Variants in PIAS2 observed in about 807,000 individuals in gnomAD.
The protein encoded by PIAS2 is protein inhibitor of activated STAT 2.
PIAS2 carries 19 observed loss-of-function variants against 69.7 expected under a neutral mutation model. The observed-to-expected ratio is 0.27, with a 90% CI of 0.19 to 0.40. The LOEUF is 0.40. Among genes scored for constraint, PIAS2 ranks in the 10% least tolerant of loss-of-function variants. The pLI, the probability that PIAS2 is intolerant of heterozygous loss-of-function variation, is 1.00. For synonymous variants in PIAS2, 261 were observed against 263.2 expected, an observed-to-expected ratio of 0.99 and a Z score of 0.08; for missense variants, 624 against 757.0, an observed-to-expected ratio of 0.82 and a Z score of 2.06.
At chr18:46,839,966 G>A (rs768751894) in intron 8 of PIAS2, among the ~76,000 whole-genome samples, 8 of 151,696 alleles carry the variant, frequency 5.3e-5, no homozygotes, top group Non-Finnish European at 1.2e-4. Flanking sequence ...CTCGAGACCA[G>A]CCTGACCAAC....
intron 13 of PIAS2, 42 bp from the exon 14 acceptor site, chr18:46,812,654 T>C (rs2041087844): frequency 1.6e-6 from 2 of 1,256,656 alleles, no homozygotes; most frequent in Admixed American, 1.9e-5. Context: ...AAGAGGCTAC[T>C]TGATTTTAAA....
chr18:46,891,157 T>C (rs1383687377), intron 1 of PIAS2, 103 bp from the exon 2 acceptor site: 10 of 805,114 alleles, frequency 1.2e-5, no homozygotes, highest in Non-Finnish European at 2.0e-5. Context: ...ATTCTATCAA[T>C]TGGCATGTGC....
At chr18:46,816,603 G>A in intron 12 of PIAS2, 1 of 265,848 alleles carries the variant, frequency 3.8e-6, no homozygotes, top group Non-Finnish European at 5.8e-6. Flanking sequence ...GGAGCTACAG[G>A]TGTGTGTCAC....
At position 46,804,842 on chromosome 18, in the gene PIAS2, T is replaced by C. The variant is rs2040614566; in HGVS notation, c.*7591A>G. 6.6e-6 allele frequency: 1 copy of C among 152,206 alleles called. No individual in the cohort carries two copies. The allele number at this position is 152,206 out of a possible 1,614,324, so 9.4% of individuals were successfully genotyped here. A position where few individuals can be genotyped will look rare whatever the true frequency, so the allele number is the denominator to read the frequency against. On this transcript the variant is annotated 3_prime_UTR_variant, in exon 14 of 14. Transcript: ENST00000585916. ...AGTGCCTGATACAATGCCTGGCACCTAATATAATCTCAAATACTGGATGAC... is the reference window on the plus strand; with the variant it reads ...AGTGCCTGATACAATGCCTGGCACCCAATATAATCTCAAATACTGGATGAC...
intron 8 of PIAS2, among the ~76,000 whole-genome samples, chr18:46,842,887 T>G (rs1599630050): frequency 6.6e-6 from 1 of 152,070 alleles, no homozygotes; most frequent in African/African-American, 2.4e-5. Context: ...AATCCTCATA[T>G]CAAAAAATTA....
Position 46,820,532 on chromosome 18 carries a change from C to T in PIAS2, c.1648+401G>A, listed in dbSNP as rs79653985. Among the ~76,000 whole-genome samples the T allele has an allele frequency of 6.1e-3, 929 of 152,208 alleles. 6 individuals are homozygous for T. Among genetic ancestry groups the T allele is most frequent in the Non-Finnish European group, 9.9e-3 (674 of 67,992 alleles). On this transcript the variant is annotated intron_variant, in intron 12 of 13. Transcript: ENST00000585916. Reference sequence around the variant, plus strand: ...ATCTTTGTAAGGAGAATAAAATCCACAGCTTGTAGGAAAAATCAGCCCCAA... The same window carrying T: ...ATCTTTGTAAGGAGAATAAAATCCATAGCTTGTAGGAAAAATCAGCCCCAA...
At chr18:46,815,555 A>G (rs2041424009) in intron 12 of PIAS2, 1 of 985,250 alleles carries the variant, frequency 1.0e-6, no homozygotes, top group Admixed American at 6.2e-5. Flanking sequence ...AACTGGAAAA[A>G]CTAGCTCCCA....
Position 46,849,056 on chromosome 18 carries a change from T to C in PIAS2, c.727-2215A>G, listed in dbSNP as rs531095289. The stretch of plus-strand genomic sequence containing the variant: ...GTAGGTTAACCAAATAAAAATAATG[T>C]TACAGGGTCTGTCAGAAGGATAGAA... On this transcript the variant is annotated intron_variant, in intron 5 of 13. Coordinates refer to ENST00000585916, the MANE Select transcript of PIAS2 (RefSeq NM_004671.5). Among the ~76,000 whole-genome samples, 265 of 152,256 alleles carry C rather than the reference T, an allele frequency of 1.7e-3. 1 individual carries two copies. Among genetic ancestry groups the C allele is most frequent in the African/African-American group, 6.2e-3 (259 of 41,538 alleles).
chr18:46,845,907 C>A (rs562579333), intron 6 of PIAS2, among the ~76,000 whole-genome samples: 62 of 152,164 alleles, frequency 4.1e-4, no homozygotes, highest in Middle Eastern at 3.4e-3. Flanking sequence ...TCTGCAATTA[C>A]CTTGGTGGTA....
At chr18:46,917,287 C>T in intron 1 of PIAS2, 35 bp downstream of exon 1, 1 of 1,459,706 alleles carries the variant, frequency 6.9e-7, no homozygotes, top group Non-Finnish European at 9.1e-7. Context: ...CTCCCATCCC[C>T]TCCCCCGCGG....
intron 1 of PIAS2, among the ~76,000 whole-genome samples, chr18:46,913,761 C>T (rs1279136759): frequency 6.6e-6 from 1 of 152,114 alleles, no homozygotes; most frequent in African/African-American, 2.4e-5. Context: ...GTAAGTGATT[C>T]CAGAAACTCA....
chr18:46,862,941 A>G (rs1415059014), intron 3 of PIAS2, among the ~76,000 whole-genome samples: 1 of 152,104 alleles, frequency 6.6e-6, no homozygotes, highest in Non-Finnish European at 1.5e-5. Context: ...CCTGAACTCA[A>G]GTAATCCACC....
intron 5 of PIAS2, among the ~76,000 whole-genome samples, chr18:46,847,545 G>A (rs983686690): frequency 3.3e-5 from 5 of 150,492 alleles, no homozygotes; most frequent in Admixed American, 1.3e-4. Flanking sequence ...ACAGTGGCGC[G>A]AACTTGGCTC....
rs200510017 is a variant in PIAS2 at position 46,878,617 on chromosome 18, C to T, written c.499+11963G>A. On this transcript the variant is annotated intron_variant, in intron 2 of 13. Coordinates refer to ENST00000585916, the MANE Select transcript of PIAS2 (RefSeq NM_004671.5). The stretch of plus-strand genomic sequence containing the variant: ...GGTGCAGTGGGTCACTCCTGTAATC[C>T]CAGCACTTTGGGAGGCCAAGGTGGG... 3.9e-5 allele frequency among the ~76,000 whole-genome samples: 6 copies of T among 152,252 alleles called. No homozygotes were observed. In the East Asian group the frequency reaches 1.2e-3, roughly 29 times the overall value.
At chr18:46,912,279 C>T (rs1200243216) in intron 1 of PIAS2, among the ~76,000 whole-genome samples, 1 of 152,198 alleles carries the variant, frequency 6.6e-6, no homozygotes, top group Non-Finnish European at 1.5e-5. Context: ...CATGAAATGG[C>T]ATAGTATTTG....
Position 46,834,288 on chromosome 18 carries a change from T to C in PIAS2, c.1202+2069A>G, listed in dbSNP as rs368850815. The stretch of plus-strand genomic sequence containing the variant: ...AAAGACAAGACTTGATAAAAAAAAA[T>C]GTAAACCTTCTGAATGGAGAACAAA... On this transcript the variant is annotated intron_variant, in intron 9 of 13. Coordinates refer to ENST00000585916, the MANE Select transcript of PIAS2 (RefSeq NM_004671.5). 2.3e-4 allele frequency among the ~76,000 whole-genome samples: 35 copies of C among 152,112 alleles called. 1 individual carries two copies. The East Asian group carries it at 5.6e-3, about 24-fold the overall frequency.
intron 9 of PIAS2, among the ~76,000 whole-genome samples, chr18:46,831,091 G>C (rs1009000440): frequency 6.6e-6 from 1 of 152,104 alleles, no homozygotes. Flanking sequence ...AGGCATCCAC[G>C]TTAGAAAGAA....
intron 13 of PIAS2, 135 bp downstream of exon 13, chr18:46,815,177 G>T: frequency 1.5e-6 from 1 of 647,084 alleles, no homozygotes; most frequent in South Asian, 2.3e-5. Flanking sequence ...TGAAATATTT[G>T]CACAGTACTT....
chr18:46,915,516 GC>G (rs1043917497), intron 1 of PIAS2: 1 of 150,752 alleles, frequency 6.6e-6, no homozygotes, highest in African/African-American at 2.5e-5. Flanking sequence ...TGGGAGAGGG[GC>G]CATCTTCTAA....
Sources: gnomAD v4.1 joint callset for allele counts (sites outside exome capture counted in the v4.1 genomes callset) on GRCh38, gnomAD v4.1.1 for gene constraint, MANE v1.5 for transcripts, NCBI Gene and HGNC (gene_info 2026-07-23, HGNC 2026-07-21) for gene names.